Variants in USH2A observed in about 807,000 individuals in gnomAD.
The protein encoded by USH2A is Usher syndrome 2A (autosomal recessive, mild).
A neutral mutation model predicts 538.9 loss-of-function variants in USH2A; 443 were observed. The ratio of observed to expected loss-of-function variants is 0.82; its 90% CI spans 0.76 to 0.89. The LOEUF (loss-of-function observed/expected upper bound fraction) is 0.89. Among genes scored for constraint, USH2A ranks in the 40% least tolerant of loss-of-function variants. The pLI, the probability that USH2A is intolerant of heterozygous loss-of-function variation, is 0.00. For missense variants in USH2A, 6,633 were observed against 6,324.8 expected (o/e 1.05, Z -1.65); for synonymous variants, 2,413 against 2,273.5 (o/e 1.06, Z -1.75).
At chr1:216,094,148 T>C (rs2102570002) in intron 22 of USH2A, among the ~76,000 whole-genome samples, 1 of 152,310 alleles carries the variant, frequency 6.6e-6, no homozygotes, top group South Asian at 2.1e-4. Context: ...TCTTTCTCAT[T>C]GACAGTCTTC....
At chr1:215,782,688 T>G in intron 53 of USH2A, 50 bp downstream of exon 53, 1 of 1,588,062 alleles carries the variant, frequency 6.3e-7, no homozygotes, top group Non-Finnish European at 8.6e-7. Flanking sequence ...TTCAATTTTC[T>G]TATGAATTTA....
intron 14 of USH2A, among the ~76,000 whole-genome samples, 182 bp downstream of exon 14, chr1:216,231,771 C>T (rs984854889): frequency 6.6e-6 from 1 of 152,008 alleles, no homozygotes; most frequent in Admixed American, 6.6e-5. Context: ...TGATATCGAC[C>T]TCTTGACCTC....
intron 61 of USH2A, among the ~76,000 whole-genome samples, chr1:215,693,408 T>G (rs1658689190): frequency 6.6e-6 from 1 of 152,124 alleles, no homozygotes; most frequent in African/African-American, 2.4e-5. Flanking sequence ...TGTATTGTTA[T>G]ACATAAGGAA....
At chr1:216,017,618 A>G (rs929938363) in intron 32 of USH2A, among the ~76,000 whole-genome samples, 1 of 152,208 alleles carries the variant, frequency 6.6e-6, no homozygotes, top group Non-Finnish European at 1.5e-5. Context: ...ACATAATAAG[A>G]ATAATAAGTT....
intron 36 of USH2A, among the ~76,000 whole-genome samples, chr1:215,967,493 T>C (rs555493990): frequency 2.7e-4 from 41 of 152,288 alleles, no homozygotes; most frequent in African/African-American, 9.1e-4. Flanking sequence ...AATAAAACTC[T>C]TGCAATGCGC....
At chr1:215,876,553 CAG>C (rs1664780124) in intron 43 of USH2A, among the ~76,000 whole-genome samples, 1 of 152,140 alleles carries the variant, frequency 6.6e-6, no homozygotes, top group African/African-American at 2.4e-5. Context: ...GAACTGAAGA[CAG>C]AGTCACGAAG....
At chr1:215,778,236 G>A (rs1661520422) in intron 55 of USH2A, among the ~76,000 whole-genome samples, 1 of 152,060 alleles carries the variant, frequency 6.6e-6, no homozygotes, top group African/African-American at 2.4e-5. Context: ...ATTTTTAGTA[G>A]AGACGAGGTT....
intron 60 of USH2A, among the ~76,000 whole-genome samples, chr1:215,733,291 C>T (rs1409628255): frequency 6.6e-6 from 1 of 152,104 alleles, no homozygotes; most frequent in African/African-American, 2.4e-5. Flanking sequence ...TCACTAAGGG[C>T]ATGGTGCTAC....
At position 216,089,004 on chromosome 1, in the gene USH2A, A is replaced by T; in HGVS notation, c.4885+9T>A. 1 of 1,613,154 alleles carries T rather than the reference A, an allele frequency of 6.2e-7. No individual in the cohort carries two copies. The highest frequency in any genetic ancestry group is 8.5e-7 in the Non-Finnish European group (1 of 1,179,392). ...ACAGGGCTATTTATACATATCAAAA[A>T]GTACTTACCTGTATATATCCCATCC... On this transcript the variant is annotated intron_variant, in intron 23 of 71. Coordinates refer to ENST00000307340, the MANE Select transcript of USH2A (RefSeq NM_206933.4).
chr1:216,133,807 T>A (rs943642305), intron 21 of USH2A, among the ~76,000 whole-genome samples: 2 of 152,132 alleles, frequency 1.3e-5, no homozygotes, highest in Non-Finnish European at 2.9e-5. Flanking sequence ...ATATGAATGA[T>A]TACCATGTAT....
chr1:216,045,585 T>C (rs1225670520), intron 32 of USH2A, among the ~76,000 whole-genome samples: 2 of 152,186 alleles, frequency 1.3e-5, no homozygotes, highest in African/African-American at 4.8e-5. Flanking sequence ...TAATAGCTCA[T>C]GTGAGAGAGG....
At chr1:216,073,443 C>T in intron 27 of USH2A, 143 bp from the exon 28 acceptor site, 1 of 812,430 alleles carries the variant, frequency 1.2e-6, no homozygotes, top group East Asian at 2.7e-5. Flanking sequence ...CTTGGAAAAC[C>T]TTTTATGCCT....
At chr1:215,650,853 G>GGAA (rs1657052229) in intron 64 of USH2A, 52 bp from the exon 65 acceptor site, 3 of 1,232,520 alleles carry the variant, frequency 2.4e-6, no homozygotes, top group African/African-American at 1.8e-5. Flanking sequence ...CTAAGGCTGG[G>GGAA]AAAAAAAAAA....
chr1:215,946,981 G>A (rs1193723708), intron 37 of USH2A, among the ~76,000 whole-genome samples: 2 of 151,380 alleles, frequency 1.3e-5, no homozygotes, highest in Non-Finnish European at 2.9e-5. Flanking sequence ...TAACTTTTAG[G>A]TTTTAATTAC....
rs533363596 is a variant in USH2A at position 216,065,850 on chromosome 1, T to C, written c.6049+4251A>G. ...AGGCAGAGTTTGCAGTGAGCTGAGA[T>C]TGCACCACTGCACTCCAACCTGGGT... On this transcript the variant is annotated intron_variant, in intron 30 of 71. Transcript: ENST00000307340. Among the ~76,000 whole-genome samples the C allele has an allele frequency of 1.2e-3, 190 of 152,060 alleles. 1 individual carries two copies. Among genetic ancestry groups the C allele is most frequent in the African/African-American group, 4.2e-3 (174 of 41,448 alleles).
chr1:215,654,141 G>T (rs2102647582), intron 64 of USH2A, among the ~76,000 whole-genome samples: 1 of 152,146 alleles, frequency 6.6e-6, no homozygotes, highest in South Asian at 2.1e-4. Context: ...GGATATTTTT[G>T]TTCCTACAGT....
chr1:215,726,208 T>C (rs1210165596), intron 61 of USH2A, among the ~76,000 whole-genome samples: 1 of 152,168 alleles, frequency 6.6e-6, no homozygotes, highest in Non-Finnish European at 1.5e-5. Context: ...AAGGATATGG[T>C]GGGAAGTAAC....
rs1050067976 is a variant in USH2A, at chr1:216,138,342, T to C, written c.4627+36910A>G. 6.4e-4 allele frequency among the ~76,000 whole-genome samples: 98 copies of C among 152,306 alleles called. 1 individual carries two copies. The highest frequency in any genetic ancestry group is 2.3e-3 in the African/African-American group (97 of 41,582). Reference sequence around the variant, plus strand: ...GCAAAAAAAGAGAGTTTTAACTCAGTATATTAAAAAAGCTTGCAAAAGTAA... The same window carrying C: ...GCAAAAAAAGAGAGTTTTAACTCAGCATATTAAAAAAGCTTGCAAAAGTAA... On this transcript the variant is annotated intron_variant, in intron 21 of 71. Coordinates refer to ENST00000307340, the MANE Select transcript of USH2A (RefSeq NM_206933.4).
At chr1:215,755,383 TAAAC>T (rs1042877586) in intron 58 of USH2A, among the ~76,000 whole-genome samples, 2 of 152,174 alleles carry the variant, frequency 1.3e-5, no homozygotes, top group African/African-American at 2.4e-5. Context: ...TGTGAGCAAA[TAAAC>T]AATCTCCACT....
Sources: gnomAD v4.1 joint callset for allele counts (sites outside exome capture counted in the v4.1 genomes callset) on GRCh38, gnomAD v4.1.1 for gene constraint, MANE v1.5 for transcripts, NCBI Gene and HGNC (gene_info 2026-07-23, HGNC 2026-07-21) for gene names.